Variants in NRP1 observed in about 807,000 individuals in gnomAD.
The protein encoded by NRP1 is neuropilin-1.
NRP1 carries 35 observed loss-of-function variants against 106.7 expected under a neutral mutation model. The observed-to-expected ratio is 0.33, with a 90% CI of 0.25 to 0.43. The LOEUF (loss-of-function observed/expected upper bound fraction) is 0.43, where lower values mean the gene tolerates loss of function less well. Among genes scored for constraint, NRP1 ranks in the 20% least tolerant of loss-of-function variants. NRP1 has a pLI of 1.00. For missense variants in NRP1, 1,024 were observed against 1,170.4 expected (o/e 0.87, Z 1.83); for synonymous variants, 437 against 417.9 (o/e 1.05, Z -0.56).
intron 6 of NRP1, among the ~76,000 whole-genome samples, chr10:33,227,964 G>T (rs1454400068): frequency 1.3e-5 from 2 of 150,750 alleles, no homozygotes; most frequent in African/African-American, 2.4e-5. Context: ...AGTAGAGTAG[G>T]TTTTTTTTTC....
intron 13 of NRP1, among the ~76,000 whole-genome samples, chr10:33,191,977 C>CAAAAA (rs58214479): frequency 4.2e-5 from 3 of 71,740 alleles, no homozygotes; most frequent in Non-Finnish European, 9.3e-5. Flanking sequence ...GACTCCATTT[C>CAAAAA]AAAAAAAAAA....
At chr10:33,255,647 G>T (rs369207677) in intron 5 of NRP1, among the ~76,000 whole-genome samples, 1 of 152,034 alleles carries the variant, frequency 6.6e-6, no homozygotes, top group East Asian at 1.9e-4. Flanking sequence ...AGTCAGGTTC[G>T]CATTATATTG....
At chr10:33,306,055 G>A (rs1239258262) in intron 2 of NRP1, among the ~76,000 whole-genome samples, 4 of 152,046 alleles carry the variant, frequency 2.6e-5, no homozygotes, top group African/African-American at 7.2e-5. Flanking sequence ...GCGTGCCACC[G>A]TGCCAGGCCA....
At chr10:33,199,395 T>A (rs1281408412) in intron 11 of NRP1, among the ~76,000 whole-genome samples, 925 of 54,730 alleles carry the variant, frequency 0.017, 3 homozygotes, top group African/African-American at 0.021. Flanking sequence ...ATATATTTTT[T>A]TTTTTTTTTT....
intron 2 of NRP1, among the ~76,000 whole-genome samples, chr10:33,314,803 T>C (rs1480957554): frequency 1.3e-5 from 2 of 152,160 alleles, no homozygotes; most frequent in African/African-American, 2.4e-5. Flanking sequence ...TTTCTGGTGG[T>C]ATGGACTGAC....
chr10:33,257,491 GC>G (rs1291866344), intron 4 of NRP1, among the ~76,000 whole-genome samples: 1 of 152,156 alleles, frequency 6.6e-6, no homozygotes, highest in Non-Finnish European at 1.5e-5. Context: ...ACAAAGATTA[GC>G]CAGGCGTGGT....
intron 2 of NRP1, among the ~76,000 whole-genome samples, chr10:33,290,180 A>G (rs976341728): frequency 5.3e-5 from 8 of 152,210 alleles, no homozygotes; most frequent in African/African-American, 1.9e-4. Flanking sequence ...ATATGTGCAT[A>G]TATTTGTGTA....
chr10:33,300,080 A>G (rs1367794901), intron 2 of NRP1, among the ~76,000 whole-genome samples: 3 of 152,226 alleles, frequency 2.0e-5, no homozygotes, highest in Non-Finnish European at 4.4e-5. Flanking sequence ...GCATCTTCAC[A>G]GTCCCCTGTA....
At chr10:33,276,711 T>C (rs1295899562) in intron 2 of NRP1, among the ~76,000 whole-genome samples, 1 of 152,196 alleles carries the variant, frequency 6.6e-6, no homozygotes, top group Non-Finnish European at 1.5e-5. Context: ...GGATTAGCCA[T>C]TAACTATCGG....
intron 6 of NRP1, among the ~76,000 whole-genome samples, chr10:33,234,524 GT>G (rs1840409593): frequency 6.6e-6 from 1 of 152,038 alleles, no homozygotes; most frequent in African/African-American, 2.4e-5. Context: ...TTGACTATTA[GT>G]TTAAAGTTAG....
chr10:33,197,890 A>G (rs1192458053), intron 11 of NRP1, among the ~76,000 whole-genome samples, 181 bp from the exon 12 acceptor site: 3 of 147,746 alleles, frequency 2.0e-5, no homozygotes, highest in African/African-American at 7.5e-5. Context: ...ATTCAAATAA[A>G]CCATTATTTT....
At chr10:33,307,264 T>C (rs1196751793) in intron 2 of NRP1, among the ~76,000 whole-genome samples, 2 of 152,228 alleles carry the variant, frequency 1.3e-5, no homozygotes, top group Non-Finnish European at 2.9e-5. Context: ...CTATGGCCTG[T>C]AGATCAAACC....
At chr10:33,332,058 A>G (rs1848321393) in intron 1 of NRP1, among the ~76,000 whole-genome samples, 1 of 152,162 alleles carries the variant, frequency 6.6e-6, no homozygotes, top group Admixed American at 6.5e-5. Context: ...ATTACAGGAA[A>G]ACCAGGTCAA....
intron 2 of NRP1, among the ~76,000 whole-genome samples, chr10:33,329,643 C>T (rs1451376314): frequency 3.3e-5 from 5 of 152,186 alleles, no homozygotes; most frequent in Admixed American, 2.6e-4. Context: ...CTCTCAGTCC[C>T]TGAGAAACAC....
At chr10:33,193,005 T>G (rs1836520846) in intron 12 of NRP1, among the ~76,000 whole-genome samples, 2 of 152,248 alleles carry the variant, frequency 1.3e-5, no homozygotes, top group African/African-American at 4.8e-5. Flanking sequence ...ATAAGGTCGA[T>G]TAATTTAAGT....
intron 8 of NRP1, among the ~76,000 whole-genome samples, chr10:33,219,314 T>C (rs920046425): frequency 1.3e-5 from 2 of 152,228 alleles, no homozygotes; most frequent in East Asian, 3.8e-4. Context: ...CCGTCATGCA[T>C]ACACTAAGTG....
At position 33,213,693 on chromosome 10, in the gene NRP1, C is replaced by G; in HGVS notation, c.1307G>C (p.Gly436Ala). The G allele has an allele frequency of 6.3e-7, 1 of 1,599,548 alleles. No homozygotes were observed. Among genetic ancestry groups the G allele is most frequent in the Non-Finnish European group, 8.5e-7 (1 of 1,171,542 alleles). The change falls in exon 9 of 17, where the codon GGT becomes GCT. Residue 436 changes from glycine (G) to alanine (A), a missense_variant. Transcript: ENST00000374867. ...ITDYPCSGML[G>A]MVSGLISDSQ... ...GTCAGAAATAAGTCCAGACACCATA[C>G]CCAACATTCCAGAGCAAGGATAATC...
At chr10:33,201,996 C>T (rs1837349768) in intron 11 of NRP1, 1 of 152,102 alleles carries the variant, frequency 6.6e-6, no homozygotes, top group Non-Finnish European at 1.5e-5. Context: ...CAGTTTTGCC[C>T]ATGGAAATTA....
chr10:33,190,511 T>G (rs935407581), intron 13 of NRP1, among the ~76,000 whole-genome samples: 2 of 152,222 alleles, frequency 1.3e-5, no homozygotes, highest in Non-Finnish European at 2.9e-5. Context: ...AGGAGGCCTA[T>G]TCAACCTATT....
Sources: allele counts gnomAD v4.1 joint callset (sites outside exome capture counted in the v4.1 genomes callset), GRCh38; gene constraint gnomAD v4.1.1; transcripts MANE v1.5; gene names NCBI Gene and HGNC (gene_info 2026-07-23, HGNC 2026-07-21).